Variants in CHD9NB observed in about 807,000 individuals in gnomAD.
The protein encoded by CHD9NB is CHD9 neighbor protein.
At chr16:53,040,184 G>A in the CHD9NB span, among the ~76,000 whole-genome samples, 5 of 151,942 alleles carry the variant, frequency 3.3e-5, no homozygotes, top group South Asian at 2.1e-4. Flanking sequence ...ATTCTCGTGC[G>A]TCAGCCTCCA....
the CHD9NB span, among the ~76,000 whole-genome samples, chr16:53,037,832 TC>T: frequency 1.4e-4 from 21 of 152,222 alleles, no homozygotes; most frequent in Admixed American, 1.4e-3. Flanking sequence ...CCCAGCTGTG[TC>T]CTTGAGAGCT....
chr16:53,040,660 C>T, the CHD9NB span, among the ~76,000 whole-genome samples: 1 of 152,118 alleles, frequency 6.6e-6, no homozygotes, highest in Non-Finnish European at 1.5e-5. Flanking sequence ...AGGAGTTTGG[C>T]ATAGAGTAGT....
the CHD9NB span, among the ~76,000 whole-genome samples, chr16:53,049,154 C>T: frequency 8.8e-3 from 1,332 of 151,684 alleles, 22 homozygotes; most frequent in African/African-American, 0.03. Flanking sequence ...CCACTGGGCC[C>T]GGCCAGTTTG....
the CHD9NB span, among the ~76,000 whole-genome samples, chr16:53,044,441 C>T: frequency 6.6e-6 from 1 of 152,356 alleles, no homozygotes; most frequent in Non-Finnish European, 1.5e-5. Flanking sequence ...TAATCTGTAA[C>T]TTACAAATCA....
chr16:53,040,053 A>G, the CHD9NB span, among the ~76,000 whole-genome samples: 1 of 152,004 alleles, frequency 6.6e-6, no homozygotes, highest in Non-Finnish European at 1.5e-5. Flanking sequence ...ATAAAATACA[A>G]GGCACTTCAT....
At chr16:53,041,775 T>G in the CHD9NB span, among the ~76,000 whole-genome samples, 34 of 148,714 alleles carry the variant, frequency 2.3e-4, no homozygotes, top group African/African-American at 8.6e-4. Flanking sequence ...AAAACAGAGT[T>G]GTCTTAAAAA....
At chr16:53,042,405 C>T in the CHD9NB span, among the ~76,000 whole-genome samples, 1,320 of 148,830 alleles carry the variant, frequency 8.9e-3, 14 homozygotes, top group Non-Finnish European at 0.012. Context: ...TTTCCCTCCT[C>T]CCTCTCTTCC....
the CHD9NB span, among the ~76,000 whole-genome samples, chr16:53,036,704 C>T: frequency 1.3e-5 from 2 of 152,230 alleles, no homozygotes; most frequent in African/African-American, 4.8e-5. Context: ...AAATTAACCA[C>T]ACAGTGCCGT....
chr16:53,036,885 G>T, the CHD9NB span, among the ~76,000 whole-genome samples: 1 of 152,082 alleles, frequency 6.6e-6, no homozygotes, highest in Non-Finnish European at 1.5e-5. Flanking sequence ...ATGGAACACT[G>T]CCCAAGCCAA....
At chr16:53,051,807 ATAT>A in the CHD9NB span, among the ~76,000 whole-genome samples, 2 of 119,850 alleles carry the variant, frequency 1.7e-5, no homozygotes, top group African/African-American at 6.0e-5. Flanking sequence ...ATATATATAT[ATAT>A]AATGAGTACC....
the CHD9NB span, among the ~76,000 whole-genome samples, chr16:53,038,937 AC>A: frequency 6.6e-6 from 1 of 152,206 alleles, no homozygotes; most frequent in Non-Finnish European, 1.5e-5. Flanking sequence ...ATCATTATTT[AC>A]ATTTTGTCCT....
At chr16:53,051,797 A>T in the CHD9NB span, among the ~76,000 whole-genome samples, 1 of 127,054 alleles carries the variant, frequency 7.9e-6, no homozygotes, top group Non-Finnish European at 1.7e-5. Context: ...ATATATATAT[A>T]TATATATATA....
the CHD9NB span, among the ~76,000 whole-genome samples, chr16:53,050,542 T>C: frequency 1.3e-5 from 2 of 152,194 alleles, no homozygotes; most frequent in Non-Finnish European, 2.9e-5. Flanking sequence ...CTTCCTGGGA[T>C]TTTTGGAAAG....
chr16:53,049,655 C>T, the CHD9NB span, among the ~76,000 whole-genome samples: 1 of 152,086 alleles, frequency 6.6e-6, no homozygotes, highest in Non-Finnish European at 1.5e-5. Flanking sequence ...GAAGGATGCG[C>T]AGAATATCAG....
chr16:53,046,984 C>G, the CHD9NB span, among the ~76,000 whole-genome samples: 1 of 152,180 alleles, frequency 6.6e-6, no homozygotes, highest in Middle Eastern at 3.4e-3. Context: ...GTACACAGCC[C>G]TAGGAATAGA....
chr16:53,040,582 C>T, the CHD9NB span, among the ~76,000 whole-genome samples: 1 of 152,132 alleles, frequency 6.6e-6, no homozygotes, highest in Admixed American at 6.5e-5. Context: ...GAAAGATCTC[C>T]CTGGACCACC....
chr16:53,036,650 A>C, the CHD9NB span, among the ~76,000 whole-genome samples: 1 of 152,210 alleles, frequency 6.6e-6, no homozygotes, highest in Non-Finnish European at 1.5e-5. Context: ...CACCTCTTGG[A>C]ACCACTTGCT....
chr16:53,045,542 T>C, the CHD9NB span, among the ~76,000 whole-genome samples: 1 of 152,176 alleles, frequency 6.6e-6, no homozygotes, highest in Non-Finnish European at 1.5e-5. Context: ...GGACTGATAA[T>C]CCTGACCCAG....
At chr16:53,041,965 G>T in the CHD9NB span, among the ~76,000 whole-genome samples, 1 of 152,128 alleles carries the variant, frequency 6.6e-6, no homozygotes, top group Non-Finnish European at 1.5e-5. Flanking sequence ...CATCCCTCCT[G>T]CTCCTCCAGG....
Sources: allele counts gnomAD v4.1 joint callset (sites outside exome capture counted in the v4.1 genomes callset), GRCh38; gene constraint gnomAD v4.1.1; transcripts MANE v1.5; gene names NCBI Gene and HGNC (gene_info 2026-07-23, HGNC 2026-07-21).